Variants in RPRD2 observed in about 807,000 individuals in gnomAD.
The protein encoded by RPRD2 is regulation of nuclear pre-mRNA domain-containing protein 2.
RPRD2 carries 12 observed loss-of-function variants against 104.4 expected under a neutral mutation model. The observed-to-expected ratio is 0.11, with a 90% confidence interval of 0.07 to 0.19. RPRD2 has a LOEUF of 0.19. RPRD2 is among the 10% of genes least tolerant of loss of function. The pLI, the probability that RPRD2 is intolerant of heterozygous loss-of-function variation, is 1.00. For synonymous variants in RPRD2, 714 were observed against 684.9 expected, an observed-to-expected ratio of 1.04 and a Z score of -0.66; for missense variants, 1,543 against 1,790.1, an observed-to-expected ratio of 0.86 and a Z score of 2.49.
chr1:150,448,250 C>G (rs1666928166), intron 7 of RPRD2, among the ~76,000 whole-genome samples: 1 of 152,114 alleles, frequency 6.6e-6, no homozygotes, highest in Non-Finnish European at 1.5e-5. Context: ...CTCACTGCAA[C>G]CTCCACCTCC....
chr1:150,385,277 C>G (rs1200329242), intron 1 of RPRD2, among the ~76,000 whole-genome samples: 2 of 151,772 alleles, frequency 1.3e-5, no homozygotes, highest in African/African-American at 4.8e-5. Flanking sequence ...GCTGGGGCAA[C>G]ATATTTAAGA....
intron 1 of RPRD2, among the ~76,000 whole-genome samples, chr1:150,390,483 G>C (rs1014924491): frequency 1.3e-5 from 2 of 152,096 alleles, no homozygotes; most frequent in Non-Finnish European, 2.9e-5. Flanking sequence ...TGGGCGACAA[G>C]TGAGACTCCG....
At chr1:150,460,030 A>T in intron 8 of RPRD2, 30 bp from the exon 9 acceptor site, 1 of 1,607,934 alleles carries the variant, frequency 6.2e-7, no homozygotes, top group Non-Finnish European at 8.5e-7. Flanking sequence ...AAGTAGTAGG[A>T]TGTAATATCT....
chr1:150,397,254 G>A lies in RPRD2; in HGVS notation c.206-20342G>A, dbSNP rs1400566904. On this transcript the variant is annotated intron_variant, in intron 1 of 10. Coordinates refer to ENST00000369068, the MANE Select transcript of RPRD2 (RefSeq NM_015203.5). ...CTCTGGAAGTGCTGGGATTACAGGC[G>A]TCAGCCACTGCACCCGGCCACAACA... Among the ~76,000 whole-genome samples, 4 of 152,256 alleles carry A rather than the reference G, an allele frequency of 2.6e-5. No homozygotes were observed. In the East Asian group the frequency reaches 5.8e-4, roughly 22 times the overall value.
At chr1:150,406,353 GT>G (rs1663474248) in intron 1 of RPRD2, among the ~76,000 whole-genome samples, 1 of 152,110 alleles carries the variant, frequency 6.6e-6, no homozygotes, top group Non-Finnish European at 1.5e-5. Context: ...CTGAATATTT[GT>G]TTAGGGTTCT....
At chr1:150,422,346 T>TAAC (rs2102292002) in intron 2 of RPRD2, among the ~76,000 whole-genome samples, 1 of 102,222 alleles carries the variant, frequency 9.8e-6, no homozygotes, top group East Asian at 2.2e-4. Context: ...CTCAAAATAA[T>TAAC]AATAATAATA....
rs770092426 is a variant in RPRD2 at position 150,471,789 on chromosome 1, G to A, written c.2841G>A (p.Leu947=). The A allele has an allele frequency of 6.2e-7, 1 of 1,613,878 alleles. No individual in the cohort carries two copies. The highest frequency in any genetic ancestry group is 1.1e-5 in the South Asian group (1 of 91,068). Residue 947 remains leucine (L), a synonymous_variant, in exon 11 of 11, where the codon TTG becomes TTA. Coordinates refer to ENST00000369068, the MANE Select transcript of RPRD2 (RefSeq NM_015203.5). The surrounding 1 kb of genome is among the most constrained non-coding windows in gnomAD (Gnocchi z 5.3). ...FFTPDSNHNS[L]SQSTTGHLSL... ...CCCCTGACTCCAACCACAATAGCTT[G>A]TCTCAATCTACCACTGGGCATCTCA...
rs908816278 is a variant in RPRD2 at position 150,472,782 on chromosome 1, A to G, written c.3834A>G (p.Glu1278=). The G allele has an allele frequency of 6.2e-6, 10 of 1,609,398 alleles. No individual in the cohort carries two copies. Among genetic ancestry groups the G allele is most frequent in the Non-Finnish European group, 8.5e-6 (10 of 1,175,832 alleles). ...PTPPPPPPPG[E]HSSSGGSGVP... is the part of the protein sequence containing the mutation. Reference sequence around the variant, plus strand: ...CACCTCCTCCTCCCCCTCCTGGGGAACATAGCAGCAGTGGTGGGAGTGGTG... The same window carrying G: ...CACCTCCTCCTCCCCCTCCTGGGGAGCATAGCAGCAGTGGTGGGAGTGGTG... The change falls in exon 11 of 11, where the codon GAA becomes GAG. Residue 1278 remains glutamate, a synonymous_variant. Transcript: ENST00000369068.
intron 1 of RPRD2, among the ~76,000 whole-genome samples, chr1:150,375,171 A>C (rs1486001189): frequency 6.6e-6 from 1 of 152,164 alleles, no homozygotes; most frequent in Non-Finnish European, 1.5e-5. Context: ...GAGACTTTCC[A>C]AGCAGTTGTT....
chr1:150,404,758 C>G (rs186204856), intron 1 of RPRD2, among the ~76,000 whole-genome samples: 1 of 152,294 alleles, frequency 6.6e-6, no homozygotes, highest in East Asian at 1.9e-4. Flanking sequence ...GTGTGTGCCA[C>G]TGTGCCCGGC....
Position 150,364,702 on chromosome 1 carries a change from G to T in RPRD2, c.-13G>T. 1 of 1,536,338 alleles carries T rather than the reference G, an allele frequency of 6.5e-7. No homozygotes were observed. Among genetic ancestry groups the T allele is most frequent in the Non-Finnish European group, 8.8e-7 (1 of 1,132,352 alleles). ...CCGCCAGAGGAGCAGCAGCGCTTGT[G>T]CAAACCGGGAAGATGGCGGCCGGCG... On this transcript the variant is annotated 5_prime_UTR_variant, in exon 1 of 11. Transcript: ENST00000369068.
At chr1:150,464,362 GTTTTT>G (rs34642023) in intron 9 of RPRD2, among the ~76,000 whole-genome samples, 160 bp from the exon 10 acceptor site, 1 of 131,074 alleles carries the variant, frequency 7.6e-6, no homozygotes, top group South Asian at 2.4e-4. Context: ...TCTTTTCAGG[GTTTTT>G]TTTTTTTTTT....
At chr1:150,377,383 G>A (rs1264457897) in intron 1 of RPRD2, among the ~76,000 whole-genome samples, 2 of 151,828 alleles carry the variant, frequency 1.3e-5, no homozygotes, top group Non-Finnish European at 2.9e-5. Context: ...GGCGGATCAC[G>A]AGGTCAGGAG....
rs181827510 is a variant in RPRD2 at position 150,442,984 on chromosome 1, G to A, written c.515-247G>A. ...GGTGTCTCCAAATCAATAATTCTAG[G>A]ACTTTATGACCTGAAGGGTCTGTTG... On this transcript the variant is annotated intron_variant, in intron 4 of 10. Transcript: ENST00000369068. 4.1e-4 allele frequency among the ~76,000 whole-genome samples: 62 copies of A among 152,048 alleles called. No individual in the cohort carries two copies. The East Asian group carries it at 0.011, about 27-fold the overall frequency.
At position 150,398,110 on chromosome 1, in the gene RPRD2, C is replaced by G. The variant is rs1662671068; in HGVS notation, c.206-19486C>G. 2.7e-5 allele frequency among the ~76,000 whole-genome samples: 4 copies of G among 150,554 alleles called. No homozygotes were observed. In the Admixed American group the frequency reaches 2.7e-4, roughly 10 times the overall value. On this transcript the variant is annotated intron_variant, in intron 1 of 10. Transcript: ENST00000369068. Reference sequence around the variant, plus strand: ...TCAAGCCATTCTCCTGCCTCAGCACCCCACCCCACCCCCACCCCGCAGTAG... The same window carrying G: ...TCAAGCCATTCTCCTGCCTCAGCACGCCACCCCACCCCCACCCCGCAGTAG...
intron 1 of RPRD2, chr1:150,409,117 G>C (rs1199401275): frequency 6.6e-6 from 1 of 152,128 alleles, no homozygotes; most frequent in Admixed American, 6.5e-5. Flanking sequence ...TTATTTTGTA[G>C]GTACTTAGAC....
chr1:150,432,643 CAAA>C (rs34795861), intron 2 of RPRD2, among the ~76,000 whole-genome samples: 1 of 127,144 alleles, frequency 7.9e-6, no homozygotes, highest in Admixed American at 7.9e-5. Flanking sequence ...AAAAAAAAGC[CAAA>C]AAAAAAAAAG....
chr1:150,370,043 A>T (rs587685184), intron 1 of RPRD2, among the ~76,000 whole-genome samples: 1 of 151,854 alleles, frequency 6.6e-6, no homozygotes, highest in Non-Finnish European at 1.5e-5. Flanking sequence ...CAGCCTCCCA[A>T]AGTGCTGGGA....
intron 4 of RPRD2, among the ~76,000 whole-genome samples, chr1:150,442,796 A>G (rs1553894744): frequency 1.1e-4 from 16 of 152,226 alleles, no homozygotes; most frequent in Non-Finnish European, 4.4e-5. Context: ...CAGCAGAAAA[A>G]GAAATTCAAA....
Sources: gnomAD v4.1 joint callset for allele counts (sites outside exome capture counted in the v4.1 genomes callset) on GRCh38, gnomAD v4.1.1 for gene constraint, Gnocchi (gnomAD v3.1) non-coding constraint, MANE v1.5 for transcripts, NCBI Gene and HGNC (gene_info 2026-07-23, HGNC 2026-07-21) for gene names.